The following PRDM11 variants were observed in gnomAD, a reference collection of about 807,000 sequenced individuals.
PRDM11 encodes PR/SET domain 11.
Under a neutral mutation model 97.8 loss-of-function variants are expected in PRDM11, and 20 were observed. The ratio of observed to expected loss-of-function variants is 0.20; its 90% CI spans 0.14 to 0.30. The LOEUF (loss-of-function observed/expected upper bound fraction) is 0.30, where lower values mean the gene tolerates loss of function less well. Ranked by LOEUF, PRDM11 falls within the 10% of genes least tolerant of loss-of-function variation. The pLI is 1.00. For missense variants in PRDM11, 1,139 were observed against 1,555.2 expected, an observed-to-expected ratio of 0.73 and a Z score of 4.50; for synonymous variants, 599 against 637.7, an observed-to-expected ratio of 0.94 and a Z score of 0.91.
intron 1 of PRDM11, among the ~76,000 whole-genome samples, chr11:45,170,582 G>A (rs1317102999): frequency 7.0e-6 from 1 of 142,596 alleles, no homozygotes; most frequent in African/African-American, 2.6e-5. Flanking sequence ...TGGGGAGTAG[G>A]AAGGGAGGAA....
intron 1 of PRDM11, among the ~76,000 whole-genome samples, chr11:45,166,950 T>C (rs1008063260): frequency 4.6e-5 from 7 of 152,242 alleles, no homozygotes; most frequent in Non-Finnish European, 1.0e-4. Context: ...TCACAGATAT[T>C]ATTCTCTGAA....
chr11:45,156,503 G>T (rs1198653187), intron 1 of PRDM11, among the ~76,000 whole-genome samples: 1 of 152,254 alleles, frequency 6.6e-6, no homozygotes, highest in African/African-American at 2.4e-5. Context: ...CCTGAGCTGT[G>T]CTGGATGGGT....
intron 1 of PRDM11, among the ~76,000 whole-genome samples, chr11:45,179,153 G>A (rs2135729728): frequency 6.6e-6 from 1 of 152,286 alleles, no homozygotes; most frequent in South Asian, 2.1e-4. Context: ...AGGGGCCAGA[G>A]CAAGGGAGCC....
At chr11:45,191,021 T>C (rs1462564015) in intron 4 of PRDM11, among the ~76,000 whole-genome samples, 1 of 152,152 alleles carries the variant, frequency 6.6e-6, no homozygotes, top group African/African-American at 2.4e-5. Context: ...ATTAGTAACA[T>C]CCTTTGTGGT....
intron 1 of PRDM11, among the ~76,000 whole-genome samples, chr11:45,096,788 T>C (rs1029661307): frequency 2.0e-5 from 3 of 152,214 alleles, no homozygotes; most frequent in Non-Finnish European, 4.4e-5. Context: ...AAATGCCTTT[T>C]TCTACTCTGA....
At chr11:45,151,807 C>T (rs1197224014) in intron 1 of PRDM11, among the ~76,000 whole-genome samples, 2 of 152,186 alleles carry the variant, frequency 1.3e-5, no homozygotes, top group Non-Finnish European at 2.9e-5. Flanking sequence ...CAGGGCATGG[C>T]TTGTCCAGAA....
At chr11:45,129,795 T>C (rs1198895948) in intron 1 of PRDM11, among the ~76,000 whole-genome samples, 2 of 151,876 alleles carry the variant, frequency 1.3e-5, no homozygotes, top group South Asian at 2.1e-4. Context: ...AATATACATA[T>C]AAAAATGCAA....
chr11:45,217,402 G>A (rs543809106), intron 5 of PRDM11, among the ~76,000 whole-genome samples: 117 of 152,282 alleles, frequency 7.7e-4, no homozygotes, highest in African/African-American at 2.8e-3. Context: ...GCTTATATCC[G>A]ATGTGATAAG....
At position 45,234,548 on chromosome 11, in the gene PRDM11, C is replaced by A. The variant is rs1462889103; in HGVS notation, c.*6389C>A. 1 of 152,260 alleles carries A rather than the reference C, an allele frequency of 6.6e-6. No individual in the cohort carries two copies. Among genetic ancestry groups the A allele is most frequent in the African/African-American group, 2.4e-5 (1 of 41,432 alleles). The allele number at this position is 152,260 out of a possible 1,614,324, so 9.4% of individuals were successfully genotyped here. On this transcript the variant is annotated 3_prime_UTR_variant, in exon 8 of 8. Coordinates refer to ENST00000683152, the MANE Select transcript of PRDM11 (RefSeq NM_001384648.1). ...GACCAGGCCGGGCCGAGCCTTCTTC[C>A]CACTGCAGTGGACTAGACCCACGGC...
At chr11:45,105,233 G>A (rs1239380140) in intron 1 of PRDM11, among the ~76,000 whole-genome samples, 1 of 152,154 alleles carries the variant, frequency 6.6e-6, no homozygotes, top group African/African-American at 2.4e-5. Context: ...TGGCCTAATT[G>A]CCTCCTCAAT....
At chr11:45,215,110 T>C (rs1182046090) in intron 5 of PRDM11, among the ~76,000 whole-genome samples, 1 of 152,242 alleles carries the variant, frequency 6.6e-6, no homozygotes, top group African/African-American at 2.4e-5. Flanking sequence ...GGGCTGTCCA[T>C]GTGCCAGTGC....
At chr11:45,101,012 G>C (rs1590336077) in intron 1 of PRDM11, among the ~76,000 whole-genome samples, 1 of 152,206 alleles carries the variant, frequency 6.6e-6, no homozygotes, top group East Asian at 1.9e-4. Context: ...CCAACAGAGG[G>C]ACAAGTATTG....
At chr11:45,124,775 A>G (rs1852525262) in intron 1 of PRDM11, among the ~76,000 whole-genome samples, 1 of 152,314 alleles carries the variant, frequency 6.6e-6, no homozygotes, top group African/African-American at 2.4e-5. Context: ...ATCAATGTTC[A>G]TCAAGGATAT....
chr11:45,209,526 A>G (rs904524814), intron 5 of PRDM11, among the ~76,000 whole-genome samples: 2 of 152,152 alleles, frequency 1.3e-5, no homozygotes, highest in Admixed American at 1.3e-4. Context: ...AGCTGGGAAG[A>G]CAGCTGTGTG....
rs1421752004 is a variant in PRDM11 at position 45,233,557 on chromosome 11, A to G, written c.*5398A>G. On this transcript the variant is annotated 3_prime_UTR_variant, in exon 8 of 8. Coordinates refer to ENST00000683152, the MANE Select transcript of PRDM11 (RefSeq NM_001384648.1). ...ACTGAGCAGCGTCAGTGGCAATAGG[A>G]AAGGTCCAAACTGGATCAAGAGCTG... The G allele has an allele frequency of 3.3e-5, 5 of 152,246 alleles. No individual in the cohort carries two copies. Among genetic ancestry groups the G allele is most frequent in the African/African-American group, 7.2e-5 (3 of 41,432 alleles). The allele number at this position is 152,246 out of a possible 1,614,324, so 9.4% of individuals were successfully genotyped here. A position where few individuals can be genotyped will look rare whatever the true frequency, so the allele number is the denominator to read the frequency against.
chr11:45,136,452 A>G (rs953440972), intron 1 of PRDM11, among the ~76,000 whole-genome samples: 2 of 152,156 alleles, frequency 1.3e-5, no homozygotes, highest in African/African-American at 4.8e-5. Context: ...GGAGGCATCT[A>G]AAGTATTACC....
chr11:45,196,105 G>T (rs1853113302), intron 4 of PRDM11, among the ~76,000 whole-genome samples: 1 of 152,172 alleles, frequency 6.6e-6, no homozygotes, highest in Non-Finnish European at 1.5e-5. Context: ...TTCCAAAGCA[G>T]CTGATCAATT....
chr11:45,208,529 A>C (rs1853597211), intron 5 of PRDM11, among the ~76,000 whole-genome samples: 1 of 152,152 alleles, frequency 6.6e-6, no homozygotes, highest in Non-Finnish European at 1.5e-5. Flanking sequence ...CTTAGTAATA[A>C]ACCCGAAGAG....
intron 1 of PRDM11, among the ~76,000 whole-genome samples, chr11:45,168,278 A>G (rs1409495143): frequency 6.6e-6 from 1 of 152,212 alleles, no homozygotes; most frequent in Admixed American, 6.5e-5. Flanking sequence ...CAGCCCCTCC[A>G]TCTACAAGCC....
Sources: allele counts gnomAD v4.1 joint callset (sites outside exome capture counted in the v4.1 genomes callset), GRCh38; gene constraint gnomAD v4.1.1; transcripts MANE v1.5; gene names NCBI Gene and HGNC (gene_info 2026-07-23, HGNC 2026-07-21).